The following MTF2 variants were observed in gnomAD, a reference collection of about 807,000 sequenced individuals.
MTF2 encodes the protein metal response element binding transcription factor 2.
Under a neutral mutation model 79.5 loss-of-function variants are expected in MTF2, and 11 were observed. That is an observed-to-expected ratio of 0.14 (90% CI 0.09 to 0.23). The LOEUF is 0.23. Ranked by LOEUF, MTF2 falls within the 10% of genes least tolerant of loss-of-function variation. The pLI, the probability that MTF2 is intolerant of heterozygous loss-of-function variation, is 1.00. For missense variants in MTF2, 486 were observed against 711.2 expected, an observed-to-expected ratio of 0.68 and a Z score of 3.60; for synonymous variants, 208 against 232.8, an observed-to-expected ratio of 0.89 and a Z score of 0.97.
intron 9 of MTF2, among the ~76,000 whole-genome samples, chr1:93,122,476 T>C (rs1656522208): frequency 6.6e-6 from 1 of 152,186 alleles, no homozygotes; most frequent in Non-Finnish European, 1.5e-5. Context: ...TTAGTATATT[T>C]TTCAAGAAAA....
In MTF2 at chr1:93,079,508, G is replaced by C. The variant is rs1654503863; in HGVS notation, c.-19G>C. The stretch of plus-strand genomic sequence containing the variant: ...TGTTTTTTCCTGTATGAAGCGGTTG[G>C]CACCACTGAAGTGACCGAATGAGGT... On this transcript the variant is annotated 5_prime_UTR_variant, in exon 1 of 15. Coordinates refer to ENST00000370298, the MANE Select transcript of MTF2 (RefSeq NM_007358.4). 6.2e-7 allele frequency: 1 copy of C among 1,613,974 alleles called. No individual in the cohort carries two copies. Among genetic ancestry groups the C allele is most frequent in the Non-Finnish European group, 8.5e-7 (1 of 1,179,998 alleles).
intron 3 of MTF2, among the ~76,000 whole-genome samples, chr1:93,113,268 T>G (rs1266957112): frequency 6.6e-6 from 1 of 151,306 alleles, no homozygotes; most frequent in Non-Finnish European, 1.5e-5. Context: ...TGGTTCCAGT[T>G]ACTTGGGAGG....
chr1:93,108,967 C>T (rs965952171), intron 1 of MTF2, among the ~76,000 whole-genome samples: 95 of 152,028 alleles, frequency 6.2e-4, no homozygotes, highest in African/African-American at 2.1e-3. Context: ...AAGGTTCATC[C>T]GTGTTTGAGC....
intron 1 of MTF2, among the ~76,000 whole-genome samples, chr1:93,094,914 C>T (rs944761699): frequency 6.6e-6 from 1 of 152,190 alleles, no homozygotes; most frequent in Non-Finnish European, 1.5e-5. Context: ...ACCTGTTCCC[C>T]TCTCTGTGCC....
At chr1:93,082,543 G>A (rs1372065040) in intron 1 of MTF2, among the ~76,000 whole-genome samples, 1 of 152,074 alleles carries the variant, frequency 6.6e-6, no homozygotes, top group Non-Finnish European at 1.5e-5. Flanking sequence ...TCCTGCTGTG[G>A]CCTCCTAAAG....
intron 1 of MTF2, among the ~76,000 whole-genome samples, chr1:93,095,094 A>G (rs1296860903): frequency 6.6e-6 from 1 of 151,954 alleles, no homozygotes; most frequent in Non-Finnish European, 1.5e-5. Flanking sequence ...GCTCACTGCC[A>G]TTATAGCTCA....
intron 1 of MTF2, among the ~76,000 whole-genome samples, chr1:93,089,877 C>G (rs759690242): frequency 2.0e-5 from 3 of 148,972 alleles, no homozygotes; most frequent in Admixed American, 6.7e-5. Context: ...CAGAGTCTCA[C>G]TCTGTCACCG....
intron 1 of MTF2, among the ~76,000 whole-genome samples, chr1:93,092,522 T>C (rs1655114145): frequency 6.6e-6 from 1 of 152,194 alleles, no homozygotes; most frequent in South Asian, 2.1e-4. Flanking sequence ...GGCAATAACT[T>C]TTAACCCTTA....
chr1:93,125,309 T>G (rs867130586), intron 9 of MTF2, among the ~76,000 whole-genome samples: 4 of 151,230 alleles, frequency 2.6e-5, no homozygotes, highest in Non-Finnish European at 3.0e-5. Flanking sequence ...AGTGTTTTTT[T>G]TTTTTTTTTT....
rs1557546805 is a variant in MTF2 at position 93,101,580 on chromosome 1, T to TTTTTTTTTTG, written c.6-8641_6-8640insGTTTTTTTTT. The stretch of plus-strand genomic sequence containing the variant: ...GTTGCTCAGGCTGGTTTTTTTTTTT[T>TTTTTTTTTTG]TTTTTTTTTTTTTTTTTGAGACAGG... On this transcript the variant is annotated intron_variant, in intron 1 of 14. Transcript: ENST00000370298. Among the ~76,000 whole-genome samples, 5 of 90,070 alleles carry TTTTTTTTTTG rather than the reference T, an allele frequency of 5.6e-5. 1 individual carries two copies. In the East Asian group the frequency reaches 1.5e-3, roughly 28 times the overall value. The allele number at this position is 90,070 out of a possible 152,430, so 59.1% of individuals were successfully genotyped here.
At chr1:93,119,443 T>G (rs765765067) in intron 8 of MTF2, 42 bp downstream of exon 8, 87 of 1,443,644 alleles carry the variant, frequency 6.0e-5, no homozygotes, top group Middle Eastern at 5.5e-4. Flanking sequence ...AAAGCCATTT[T>G]CTTAAACCTA....
chr1:93,137,174 T>C lies in MTF2; in HGVS notation c.*147T>C. 1.7e-6 allele frequency: 1 copy of C among 581,892 alleles called. No homozygotes were observed. The highest frequency in any genetic ancestry group is 2.9e-6 in the Non-Finnish European group (1 of 339,970). The allele number at this position is 581,892 out of a possible 1,614,324, so 36.0% of individuals were successfully genotyped here. On this transcript the variant is annotated 3_prime_UTR_variant, in exon 15 of 15. Coordinates refer to ENST00000370298, the MANE Select transcript of MTF2 (RefSeq NM_007358.4). ...AAAGGGGATGATACTAGCCTTAACA[T>C]GTACCTGTCAATGTTATGGATATTG...
At chr1:93,112,213 C>T (rs1557551781) in intron 3 of MTF2, among the ~76,000 whole-genome samples, 1 of 152,108 alleles carries the variant, frequency 6.6e-6, no homozygotes, top group Non-Finnish European at 1.5e-5. Context: ...GATATTAGCA[C>T]ATATGAAACT....
At chr1:93,118,725 A>C (rs1385038823) in intron 7 of MTF2, among the ~76,000 whole-genome samples, 3 of 152,206 alleles carry the variant, frequency 2.0e-5, no homozygotes, top group African/African-American at 7.2e-5. Context: ...CCTCAAAGGG[A>C]TAGTATTAGA....
chr1:93,129,558 ATTT>A (rs200494793), intron 11 of MTF2, 110 bp downstream of exon 11: 6,679 of 440,180 alleles, frequency 0.015, no homozygotes, highest in South Asian at 0.022. Flanking sequence ...AGTTACTCTG[ATTT>A]TTTTTTTTTT....
chr1:93,087,296 G>A (rs1473085727), intron 1 of MTF2, among the ~76,000 whole-genome samples: 1 of 152,188 alleles, frequency 6.6e-6, no homozygotes, highest in African/African-American at 2.4e-5. Flanking sequence ...TTAAGGCTGG[G>A]TGTGGTGGCT....
At chr1:93,123,288 C>T (rs1557557295) in intron 9 of MTF2, among the ~76,000 whole-genome samples, 1 of 139,040 alleles carries the variant, frequency 7.2e-6, no homozygotes, top group African/African-American at 2.7e-5. Context: ...GAGACCCTTG[C>T]TCAGGCTGGA....
chr1:93,134,357 AT>A (rs757237244), intron 14 of MTF2, 162 bp downstream of exon 14: 2 of 575,496 alleles, frequency 3.5e-6, no homozygotes, highest in Non-Finnish European at 6.1e-6. Context: ...AGTTGTTAAT[AT>A]TCATTTGAAA....
At chr1:93,111,728 G>A (rs977722913) in intron 3 of MTF2, among the ~76,000 whole-genome samples, 1 of 152,100 alleles carries the variant, frequency 6.6e-6, no homozygotes, top group Non-Finnish European at 1.5e-5. Context: ...AGGAGCCAGA[G>A]AAAAGTGTGA....
Sources: gnomAD v4.1 joint callset for allele counts (sites outside exome capture counted in the v4.1 genomes callset) on GRCh38, gnomAD v4.1.1 for gene constraint, MANE v1.5 for transcripts, NCBI Gene and HGNC (gene_info 2026-07-23, HGNC 2026-07-21) for gene names.